The following F9 variants were observed in gnomAD, a reference collection of about 807,000 sequenced individuals.
The protein encoded by F9 is coagulation factor IX.
In F9, 2 loss-of-function variants were observed where a neutral mutation model predicts 34.1. The observed-to-expected ratio is 0.06, with a 90% confidence interval of 0.02 to 0.18. The LOEUF (loss-of-function observed/expected upper bound fraction) is 0.18, where lower values mean the gene tolerates loss of function less well. Ranked by LOEUF, F9 falls within the 10% of genes least tolerant of loss-of-function variation. The pLI is 1.00. For synonymous variants in F9, 137 were observed against 118.8 expected (o/e 1.15, Z -1.00); for missense variants, 216 against 345.1 (o/e 0.63, Z 2.96).
chrX:139,544,064 G>T (rs962439608), intron 4 of F9, among the ~76,000 whole-genome samples: 1 of 111,431 alleles, frequency 9.0e-6, no homozygotes, highest in African/African-American at 3.3e-5. Flanking sequence ...GCCCTAAAGG[G>T]CAATGACAAA....
intron 6 of F9, among the ~76,000 whole-genome samples, chrX:139,559,375 A>G (rs905088089): frequency 8.9e-6 from 1 of 112,160 alleles, no homozygotes; most frequent in Non-Finnish European, 1.9e-5. Context: ...CAACATGGTG[A>G]AACCCCATCT....
intron 1 of F9, among the ~76,000 whole-genome samples, chrX:139,533,709 C>T (rs372016325): frequency 9.0e-6 from 1 of 111,469 alleles, no homozygotes; most frequent in Non-Finnish European, 1.9e-5. Flanking sequence ...GGGTCAGGGC[C>T]GGACTAGACT....
At chrX:139,560,372 C>T (rs1383889567) in intron 6 of F9, among the ~76,000 whole-genome samples, 1 of 111,993 alleles carries the variant, frequency 8.9e-6, no homozygotes, top group Non-Finnish European at 1.9e-5. Flanking sequence ...CTCAAGGAGT[C>T]AAGCCAGTGT....
chrX:139,562,912 CGT>C lies in F9; in HGVS notation c.*848_*849del, dbSNP rs1286644353. On this transcript the variant is annotated 3_prime_UTR_variant, in exon 8 of 8. Transcript: ENST00000218099. ...TATAAATATATAGTGTGTGTGTATG[CGT>C]GTGTGTAGACACACACGCATACACA... is the stretch of plus-strand genomic sequence containing the variant. The C allele has an allele frequency of 2.1e-5, 2 of 96,585 alleles. No individual in the cohort carries two copies. Among genetic ancestry groups the C allele is most frequent in the Non-Finnish European group, 4.1e-5 (2 of 48,452 alleles). 8.0% of individuals were successfully genotyped at this position (96,585 alleles called of 1,213,427 possible). A position where few individuals can be genotyped will look rare whatever the true frequency, so the allele number is the denominator to read the frequency against.
At chrX:139,549,774 AT>A (rs1238630703) in intron 5 of F9, among the ~76,000 whole-genome samples, 2 of 112,343 alleles carry the variant, frequency 1.8e-5, no homozygotes, top group Admixed American at 1.9e-4. Context: ...TGCTGCAGAG[AT>A]TTTGTTTATG....
rs1242438816 is a variant in F9, at chrX:139,540,145, C to T, written c.278-931C>T. ...CTAGTTCAAAGTGCCTACCATCTCCCTTCTGGTTCTATTCATCCTTCTCTC... is the reference window on the plus strand; with the variant it reads ...CTAGTTCAAAGTGCCTACCATCTCCTTTCTGGTTCTATTCATCCTTCTCTC... On this transcript the variant is annotated intron_variant, in intron 3 of 7. Coordinates refer to ENST00000218099, the MANE Select transcript of F9 (RefSeq NM_000133.4). Among the ~76,000 whole-genome samples, 4 of 111,368 alleles carry T rather than the reference C, an allele frequency of 3.6e-5. No individual in the cohort carries two copies. The Admixed American group carries it at 3.8e-4, about 11-fold the overall frequency.
At chrX:139,541,257 T>C in intron 4 of F9, 68 bp downstream of exon 4, 1 of 716,768 alleles carries the variant, frequency 1.4e-6, no homozygotes, top group Non-Finnish European at 2.1e-6. Context: ...AACTGGAAAA[T>C]GCAATATTGG....
rs1210165592 is a variant in F9 at position 139,546,339 on chromosome X, G to A, written c.392-2024G>A. On this transcript the variant is annotated intron_variant, in intron 4 of 7. Coordinates refer to ENST00000218099, the MANE Select transcript of F9 (RefSeq NM_000133.4). The stretch of plus-strand genomic sequence containing the variant: ...CCGGTCTGTCATTGATGGGCATTTA[G>A]GTTGATTCCATGTCTGCTATTCTAA... Among the ~76,000 whole-genome samples, 4 of 111,730 alleles carry A rather than the reference G, an allele frequency of 3.6e-5. No homozygotes were observed. The East Asian group carries it at 8.4e-4, about 23-fold the overall frequency.
chrX:139,562,689 A>G lies in F9; in HGVS notation c.*618A>G, dbSNP rs1336353357. The G allele has an allele frequency of 9.1e-6, 1 of 110,401 alleles. No homozygotes were observed. The highest frequency in any genetic ancestry group is 3.3e-5 in the African/African-American group (1 of 29,982). 9.1% of individuals were successfully genotyped at this position (110,401 alleles called of 1,213,427 possible). A position where few individuals can be genotyped will look rare whatever the true frequency, so the allele number is the denominator to read the frequency against. On this transcript the variant is annotated 3_prime_UTR_variant, in exon 8 of 8. Transcript: ENST00000218099. ...ACCCTCCATGGTCGTTAAAGGAGAG[A>G]TGGGGAGCATCATTCTGTTATACTT...
intron 6 of F9, among the ~76,000 whole-genome samples, chrX:139,553,487 A>T (rs767772475): frequency 8.9e-6 from 1 of 111,773 alleles, no homozygotes; most frequent in South Asian, 3.8e-4. Flanking sequence ...ACTTTATGAC[A>T]ATTATCTTCC....
intron 1 of F9, 29 bp downstream of exon 1, chrX:139,530,881 G>C (rs372686377): frequency 1.2e-5 from 13 of 1,079,886 alleles, no homozygotes; most frequent in Non-Finnish European, 1.7e-5. Context: ...AATACATTGA[G>C]TATGCTTGCC....
Position 139,530,753 on chromosome X carries a change from C to A in F9, c.-12C>A. ...TCGACCTTACCACTTTCACAATCTG[C>A]TAGCAAAGGTTATGCAGCGCGTGAA... On this transcript the variant is annotated 5_prime_UTR_variant, in exon 1 of 8. Transcript: ENST00000218099. 5.8e-6 allele frequency: 7 copies of A among 1,205,515 alleles called. No homozygotes were observed. The highest frequency in any genetic ancestry group is 7.9e-6 in the Non-Finnish European group (7 of 889,670).
Position 139,560,755 on chromosome X carries a change from T to C in F9, c.738T>C (p.Gly246=), listed in dbSNP as rs1569332597. The C allele has an allele frequency of 3.5e-5, 42 of 1,203,479 alleles. No individual in the cohort carries two copies. Among genetic ancestry groups the C allele is most frequent in the Non-Finnish European group, 4.7e-5 (42 of 889,447 alleles). ...TGTTTTCACAGGTTGTTTTGAATGG[T>C]AAAGTTGATGCATTCTGTGGAGGCT... ...GQFPWQVVLN[G]KVDAFCGGSI... The change falls in exon 7 of 8, where the codon GGT becomes GGC. Residue 246 remains glycine, a synonymous_variant. Transcript: ENST00000218099.
chrX:139,553,356 C>T (rs1927888354), intron 6 of F9, among the ~76,000 whole-genome samples: 1 of 111,613 alleles, frequency 9.0e-6, no homozygotes, highest in Admixed American at 9.5e-5. Context: ...GTTATTATGC[C>T]TTCAATGTAT....
At position 139,537,488 on chromosome X, in the gene F9, G is replaced by C. The variant is rs757175658; in HGVS notation, c.277+102G>C. The C allele has an allele frequency of 1.4e-3, 960 of 707,194 alleles. 8 individuals carry two copies. In the African/African-American group the frequency reaches 0.018, roughly 13 times the overall value. 58.3% of individuals were successfully genotyped at this position (707,194 alleles called of 1,213,427 possible). A position where few individuals can be genotyped will look rare whatever the true frequency, so the allele number is the denominator to read the frequency against. On this transcript the variant is annotated intron_variant, in intron 3 of 7. Coordinates refer to ENST00000218099, the MANE Select transcript of F9 (RefSeq NM_000133.4). ...GATAATATATTAAACTTTGTCAAAA[G>C]GACTCAGAAAGATCAGTCCAACCCT...
intron 1 of F9, among the ~76,000 whole-genome samples, chrX:139,534,915 G>C (rs1279093114): frequency 2.7e-5 from 3 of 111,755 alleles, no homozygotes; most frequent in Non-Finnish European, 1.9e-5. Context: ...CTGCATTTTG[G>C]TGATTTTTTT....
At chrX:139,535,618 C>T (rs764284476) in intron 1 of F9, among the ~76,000 whole-genome samples, 1 of 111,212 alleles carries the variant, frequency 9.0e-6, no homozygotes, top group Non-Finnish European at 1.9e-5. Context: ...ATCTTATAAG[C>T]CCTTGGTCCT....
chrX:139,532,278 A>G (rs1927360657), intron 1 of F9, among the ~76,000 whole-genome samples: 1 of 111,883 alleles, frequency 8.9e-6, no homozygotes. Flanking sequence ...AATTTTTCTA[A>G]GGATAGACAG....
intron 6 of F9, among the ~76,000 whole-genome samples, chrX:139,551,820 AT>A (rs1226132520): frequency 1.8e-5 from 2 of 111,445 alleles, no homozygotes; most frequent in Non-Finnish European, 3.8e-5. Flanking sequence ...GACCTACCAA[AT>A]CAGAATATCT....
Sources: allele counts gnomAD v4.1 joint callset (sites outside exome capture counted in the v4.1 genomes callset), GRCh38; gene constraint gnomAD v4.1.1; transcripts MANE v1.5; gene names NCBI Gene and HGNC (gene_info 2026-07-23, HGNC 2026-07-21).